MYBPC3: variants seen among roughly 807,000 people sequenced by gnomAD.
MYBPC3 encodes myosin-binding protein C, cardiac-type.
Under a neutral mutation model 159.3 loss-of-function variants are expected in MYBPC3, and 108 were observed. That is an observed-to-expected ratio of 0.68 (90% confidence interval 0.58 to 0.80). The LOEUF is 0.80. Among genes scored for constraint, MYBPC3 ranks in the 30% least tolerant of loss-of-function variants. MYBPC3 has a pLI of 0.00. For missense variants in MYBPC3, 1,631 were observed against 1,762.1 expected (o/e 0.93, Z 1.33); for synonymous variants, 730 against 702.0 (o/e 1.04, Z -0.63).
Position 47,351,567 on chromosome 11 carries a change from C to A in MYBPC3, c.26-62G>T. On this transcript the variant is annotated intron_variant, in intron 1 of 34. Transcript: ENST00000545968. The surrounding 1 kb of genome is among the most constrained non-coding windows in gnomAD (Gnocchi z 4.2). Reference sequence around the variant, plus strand: ...TGGAGCGTGCACCCCGCCCCTGCAGCCCCTCTCAGTAAATACTGTGCTAGC... The same window carrying A: ...TGGAGCGTGCACCCCGCCCCTGCAGACCCTCTCAGTAAATACTGTGCTAGC... 2 of 1,484,754 alleles carry A rather than the reference C, an allele frequency of 1.3e-6. No individual in the cohort carries two copies. Among genetic ancestry groups the A allele is most frequent in the Non-Finnish European group, 1.8e-6 (2 of 1,111,330 alleles). The allele number at this position is 1,484,754 out of a possible 1,614,324, so 92.0% of individuals were successfully genotyped here.
At chr11:47,352,448 T>C (rs999099294) in intron 1 of MYBPC3, among the ~76,000 whole-genome samples, 175 bp downstream of exon 1, 2 of 151,924 alleles carry the variant, frequency 1.3e-5, no homozygotes, top group African/African-American at 4.8e-5. Flanking sequence ...ATCAGAGGGA[T>C]GGGAAAAAGA....
chr11:47,349,948 G>C, intron 4 of MYBPC3, 26 bp from the exon 5 acceptor site: 1 of 1,577,106 alleles, frequency 6.3e-7, no homozygotes, highest in Non-Finnish European at 8.6e-7. Flanking sequence ...CGACAGGCCC[G>C]GCTTGGGGAG....
rs779955135 is a variant in MYBPC3 at position 47,331,837 on chromosome 11, G to A, written c.*26+8C>T. The A allele has an allele frequency of 1.2e-6, 2 of 1,603,004 alleles. No individual in the cohort carries two copies. The highest frequency in any genetic ancestry group is 1.7e-5 in the Admixed American group (1 of 58,714). ...TGACTTGTGCCCTGGGTGTCGGGTG[G>A]TACATACCTGGCCATCCCCAGGAGC... On this transcript the variant is annotated splice_region_variant and intron_variant, in intron 34 of 34. Transcript: ENST00000545968.
chr11:47,337,131 G>T (rs2095883037), intron 25 of MYBPC3, among the ~76,000 whole-genome samples: 1 of 152,220 alleles, frequency 6.6e-6, no homozygotes, highest in South Asian at 2.1e-4. Context: ...CATGGAAAGA[G>T]AGGCTTGAAA....
intron 5 of MYBPC3, 96 bp downstream of exon 5, chr11:47,349,678 T>C: frequency 4.8e-6 from 7 of 1,460,120 alleles, no homozygotes; most frequent in Non-Finnish European, 6.4e-6. Context: ...AGCTCGTGTG[T>C]GCCTCTGGGT....
rs370830184 is a variant in MYBPC3, at chr11:47,338,481, C to T, written c.2308+39G>A. The T allele has an allele frequency of 2.4e-5, 39 of 1,613,002 alleles. No individual in the cohort carries two copies. The East Asian group carries it at 5.3e-4, about 22-fold the overall frequency. On this transcript the variant is annotated intron_variant, in intron 23 of 34. Transcript: ENST00000545968. This position sits in a 1 kb window ranked among gnomAD's most constrained non-coding sequence, Gnocchi z 4.7. ...ACGGATGGGCCCTCCTTGGGGCTGC[C>T]CCTCTGTGTTCTCCAGCTTGGACCC...
At chr11:47,336,910 C>A (rs183238982) in intron 25 of MYBPC3, among the ~76,000 whole-genome samples, 11 of 152,356 alleles carry the variant, frequency 7.2e-5, no homozygotes, top group African/African-American at 2.2e-4. Flanking sequence ...GTCCAGGACT[C>A]TTTCCACAGA....
In MYBPC3 at chr11:47,339,247, C is replaced by T. The variant is rs1023023536; in HGVS notation, c.2148+77G>A. On this transcript the variant is annotated intron_variant, in intron 22 of 34. Coordinates refer to ENST00000545968, the MANE Select transcript of MYBPC3 (RefSeq NM_000256.3). ...AAGTGTGGCACCTCCATGGAGACCTCGCCAAGGGCTCGGCACCACGTAGGT... is the reference window on the plus strand; with the variant it reads ...AAGTGTGGCACCTCCATGGAGACCTTGCCAAGGGCTCGGCACCACGTAGGT... 13 of 1,529,694 alleles carry T rather than the reference C, an allele frequency of 8.5e-6. No individual in the cohort carries two copies. In the East Asian group the frequency reaches 1.1e-4, roughly 13 times the overall value. 94.8% of individuals were successfully genotyped at this position (1,529,694 alleles called of 1,614,324 possible).
intron 5 of MYBPC3, 148 bp downstream of exon 5, chr11:47,349,626 C>G (rs924946086): frequency 1.7e-6 from 2 of 1,201,612 alleles, no homozygotes; most frequent in Non-Finnish European, 2.3e-6. Context: ...GGGCCCCTGG[C>G]CCCTCCACCT....
rs1253725751 is a variant in MYBPC3, at chr11:47,351,166, G to A, written c.292+73C>T. ...GTGTGAAAGCACCTCCTGTTCCCTG[G>A]ATGGATGGAGAGTCGCTGGGCTGCC... On this transcript the variant is annotated intron_variant, in intron 2 of 34. Coordinates refer to ENST00000545968, the MANE Select transcript of MYBPC3 (RefSeq NM_000256.3). This position sits in a 1 kb window ranked among gnomAD's most constrained non-coding sequence, Gnocchi z 4.2. The A allele has an allele frequency of 7.0e-7, 1 of 1,438,388 alleles. No homozygotes were observed. The highest frequency in any genetic ancestry group is 1.4e-5 in the African/African-American group (1 of 69,926). The allele number at this position is 1,438,388 out of a possible 1,614,324, so 89.1% of individuals were successfully genotyped here.
chr11:47,351,410 G>C lies in MYBPC3; in HGVS notation c.121C>G (p.Arg41Gly). 3 of 1,609,808 alleles carry C rather than the reference G, an allele frequency of 1.9e-6. No individual in the cohort carries two copies. The highest frequency in any genetic ancestry group is 1.7e-5 in the Admixed American group (1 of 59,706). The change falls in exon 2 of 35, where the codon CGC becomes GGC. Residue 41 changes from arginine to glycine, a missense_variant. Physicochemically the swap from Arg to Gly is moderately radical, Grantham distance 125. Transcript: ENST00000545968. This position sits in a 1 kb window ranked among gnomAD's most constrained non-coding sequence, Gnocchi z 4.2. ...AETERAGVKV[R>G]WQRGGSDISA... ...ATGTCACTGCCTCCGCGCTGCCAGCGCACCTTCACTCCTGCCCGCTCTGTC... is the reference window on the plus strand; with the variant it reads ...ATGTCACTGCCTCCGCGCTGCCAGCCCACCTTCACTCCTGCCCGCTCTGTC...
At chr11:47,340,244 GAC>G (rs780112012) in intron 20 of MYBPC3, among the ~76,000 whole-genome samples, 3 of 150,104 alleles carry the variant, frequency 2.0e-5, no homozygotes, top group Non-Finnish European at 3.0e-5. Flanking sequence ...CACAGACACA[GAC>G]ACACATATAT....
rs2095894355 is a variant in MYBPC3 at position 47,346,557 on chromosome 11, G to C, written c.926+70C>G. On this transcript the variant is annotated intron_variant, in intron 11 of 34. Coordinates refer to ENST00000545968, the MANE Select transcript of MYBPC3 (RefSeq NM_000256.3). The surrounding 1 kb of genome is among the most constrained non-coding windows in gnomAD (Gnocchi z 5.3). ...TGGGGGCCAAGGGAGCTGAAGAGGG[G>C]CTGGGGATCTGGAGGGGCTCCTGGC... 1 of 1,522,866 alleles carries C rather than the reference G, an allele frequency of 6.6e-7. No individual in the cohort carries two copies. Among genetic ancestry groups the C allele is most frequent in the Admixed American group, 2.0e-5 (1 of 50,196 alleles). 94.3% of individuals were successfully genotyped at this position (1,522,866 alleles called of 1,614,324 possible). A position where few individuals can be genotyped will look rare whatever the true frequency, so the allele number is the denominator to read the frequency against.
At chr11:47,352,245 G>C (rs11570044) in intron 1 of MYBPC3, among the ~76,000 whole-genome samples, 7,235 of 152,216 alleles carry the variant, frequency 0.048, 585 homozygotes, top group African/African-American at 0.17. Flanking sequence ...TGGTCTGAAG[G>C]CATGCCGTGA....
chr11:47,332,358 C>G lies in MYBPC3; in HGVS notation c.3628-100G>C, dbSNP rs1362837802. ...ATCTGTGTTTCTACTCGGGGGGTCC[C>G]ACGAGAGTCCCTGACTATGCCCAAG... On this transcript the variant is annotated intron_variant, in intron 32 of 34. Transcript: ENST00000545968. This position sits in a 1 kb window ranked among gnomAD's most constrained non-coding sequence, Gnocchi z 4.2. The G allele has an allele frequency of 2.7e-6, 4 of 1,469,508 alleles. No homozygotes were observed. In the African/African-American group the frequency reaches 5.6e-5, roughly 21 times the overall value. 91.0% of individuals were successfully genotyped at this position (1,469,508 alleles called of 1,614,324 possible). A position where few individuals can be genotyped will look rare whatever the true frequency, so the allele number is the denominator to read the frequency against.
intron 26 of MYBPC3, 129 bp downstream of exon 26, chr11:47,335,748 T>C: frequency 1.3e-6 from 1 of 762,266 alleles, no homozygotes; most frequent in South Asian, 2.8e-5. Flanking sequence ...ACAGGACAGA[T>C]ATTTCTCTGG....
In MYBPC3 at chr11:47,337,460, G is replaced by A. The variant is rs727504345; in HGVS notation, c.2533C>T (p.Arg845Cys). The A allele has an allele frequency of 3.7e-6, 6 of 1,613,578 alleles. No homozygotes were observed. The highest frequency in any genetic ancestry group is 2.5e-6 in the Non-Finnish European group (3 of 1,179,836). ...RMIEGVVYEMRVYAVNAIGMS... is the reference protein window; with the variant it reads ...RMIEGVVYEMCVYAVNAIGMS... ...CCGATGGCGTTGACCGCGTAGACGC[G>A]CATCTCGTACACCACGCCCTCGATC... Residue 845 changes from arginine (R) to cysteine (C), a missense_variant, in exon 25 of 35, where the codon CGC becomes TGC. Arg to Cys is a radical substitution (Grantham distance 180). Transcript: ENST00000545968.
chr11:47,346,208 T>C lies in MYBPC3; in HGVS notation c.1089A>G (p.Thr363=). ...TCTCCCCTCTGAGGAAGGGCTAACC[T>C]GTGCTCTTCTTCTCATCGCGCCTCA... ...KGMRRDEKKS[T]AFQKKLEPAY... Residue 363 remains threonine (T), a splice_region_variant and synonymous_variant, in exon 12 of 35, where the codon ACA becomes ACG. Coordinates refer to ENST00000545968, the MANE Select transcript of MYBPC3 (RefSeq NM_000256.3). This position sits in a 1 kb window ranked among gnomAD's most constrained non-coding sequence, Gnocchi z 5.3. The C allele has an allele frequency of 6.2e-7, 1 of 1,613,792 alleles. No homozygotes were observed. The highest frequency in any genetic ancestry group is 8.5e-7 in the Non-Finnish European group (1 of 1,179,820).
In MYBPC3 at chr11:47,332,430, AG is replaced by A. The variant is rs908477252; in HGVS notation, c.3627+135del. 54 of 1,442,076 alleles carry A rather than the reference AG, an allele frequency of 3.7e-5. No individual in the cohort carries two copies. The highest frequency in any genetic ancestry group is 4.3e-5 in the Non-Finnish European group (46 of 1,064,072). 89.3% of individuals were successfully genotyped at this position (1,442,076 alleles called of 1,614,324 possible). ...AAGAGTGAGTACCATGGCCCTGCCC[AG>A]GGGGAGGAACCCGGTCCATACACCC... On this transcript the variant is annotated intron_variant, in intron 32 of 34. Transcript: ENST00000545968. This position sits in a 1 kb window ranked among gnomAD's most constrained non-coding sequence, Gnocchi z 4.2.
Sources: allele counts gnomAD v4.1 joint callset (sites outside exome capture counted in the v4.1 genomes callset), GRCh38; gene constraint gnomAD v4.1.1; non-coding constraint Gnocchi (gnomAD v3.1); transcripts MANE v1.5; gene names NCBI Gene and HGNC (gene_info 2026-07-23, HGNC 2026-07-21).